CEP128: variants seen among roughly 807,000 people sequenced by gnomAD.
CEP128 encodes the protein centrosomal protein 128kDa.
A neutral mutation model predicts 156.7 loss-of-function variants in CEP128; 132 were observed. That is an observed-to-expected ratio of 0.84 (90% CI 0.73 to 0.97). The LOEUF is 0.97. CEP128 is among the 50% of genes least tolerant of loss of function. The pLI, the probability that CEP128 is intolerant of heterozygous loss-of-function variation, is 0.00. For missense variants in CEP128, 1,252 were observed against 1,281.9 expected, an observed-to-expected ratio of 0.98 and a Z score of 0.36; for synonymous variants, 469 against 448.9, an observed-to-expected ratio of 1.04 and a Z score of -0.57.
intron 2 of CEP128, among the ~76,000 whole-genome samples, chr14:80,938,577 T>C (rs1343861859): frequency 6.6e-6 from 1 of 152,146 alleles, no homozygotes; most frequent in Non-Finnish European, 1.5e-5. Context: ...GTCCGCAGTG[T>C]GTCTCCCCTC....
At chr14:80,705,680 T>C (rs1885698888) in intron 19 of CEP128, among the ~76,000 whole-genome samples, 3 of 152,062 alleles carry the variant, frequency 2.0e-5, no homozygotes, top group Non-Finnish European at 4.4e-5. Context: ...GCAATGAGAT[T>C]TTGCACTGTT....
chr14:80,914,640 T>C (rs984987373), intron 3 of CEP128, among the ~76,000 whole-genome samples: 2 of 152,030 alleles, frequency 1.3e-5, no homozygotes, highest in Admixed American at 6.6e-5. Context: ...ATAATGTAAA[T>C]CCGTATTCAA....
At chr14:80,939,647 A>G (rs1305173154) in intron 1 of CEP128, 107 bp from the exon 2 acceptor site, 1 of 152,268 alleles carries the variant, frequency 6.6e-6, no homozygotes, top group Non-Finnish European at 1.5e-5. Context: ...GGCATAACAC[A>G]GAATAGAGAA....
rs75491981 is a variant in CEP128 at position 80,740,219 on chromosome 14, C to T, written c.2806+2856G>A. 9.7e-3 allele frequency among the ~76,000 whole-genome samples: 1,473 copies of T among 152,078 alleles called. 26 individuals are homozygous for T. The highest frequency in any genetic ancestry group is 0.033 in the African/African-American group (1,379 of 41,476). ...ACAAATATTTCACACGTCTACTGTGCACCACGCTCTTTCTAGGCATTGGAG... is the reference window on the plus strand; with the variant it reads ...ACAAATATTTCACACGTCTACTGTGTACCACGCTCTTTCTAGGCATTGGAG... On this transcript the variant is annotated intron_variant, in intron 19 of 24. Transcript: ENST00000555265.
intron 11 of CEP128, among the ~76,000 whole-genome samples, chr14:80,837,138 G>C (rs1456602560): frequency 6.6e-6 from 1 of 152,224 alleles, no homozygotes; most frequent in Admixed American, 6.5e-5. Flanking sequence ...GTGCTATCTT[G>C]TATTTTCAGC....
intron 19 of CEP128, among the ~76,000 whole-genome samples, chr14:80,681,604 G>A (rs932353957): frequency 6.6e-6 from 1 of 152,172 alleles, no homozygotes; most frequent in African/African-American, 2.4e-5. Flanking sequence ...TAGTGAGTGA[G>A]TTCTCATGAG....
intron 8 of CEP128, among the ~76,000 whole-genome samples, chr14:80,873,970 T>C (rs1316594325): frequency 6.6e-6 from 1 of 152,164 alleles, no homozygotes; most frequent in Non-Finnish European, 1.5e-5. Context: ...TTCGTCATGA[T>C]TGTGAGGCCT....
intron 13 of CEP128, among the ~76,000 whole-genome samples, chr14:80,802,772 A>G (rs957087719): frequency 5.3e-5 from 8 of 152,206 alleles, no homozygotes; most frequent in Non-Finnish European, 1.0e-4. Flanking sequence ...GAATAACATG[A>G]TTAGGTATGT....
At chr14:80,865,858 G>C (rs1041696730) in intron 8 of CEP128, among the ~76,000 whole-genome samples, 16 of 152,080 alleles carry the variant, frequency 1.1e-4, no homozygotes, top group African/African-American at 3.6e-4. Context: ...ACAGGGAACT[G>C]AATCCTGACA....
intron 21 of CEP128, among the ~76,000 whole-genome samples, chr14:80,534,625 A>C (rs746172624): frequency 6.6e-6 from 1 of 152,140 alleles, no homozygotes; most frequent in Non-Finnish European, 1.5e-5. Context: ...GGAGATTGAG[A>C]CCATCCTGGT....
At chr14:80,618,260 T>C (rs1262291295) in intron 19 of CEP128, among the ~76,000 whole-genome samples, 1 of 152,232 alleles carries the variant, frequency 6.6e-6, no homozygotes, top group Non-Finnish European at 1.5e-5. Flanking sequence ...CAAGCAATTA[T>C]GATGTTACAA....
chr14:80,762,167 G>A (rs1472126474), intron 16 of CEP128, among the ~76,000 whole-genome samples: 1 of 152,036 alleles, frequency 6.6e-6, no homozygotes, highest in Non-Finnish European at 1.5e-5. Flanking sequence ...GAAAGATGAA[G>A]GTACTTTTCA....
chr14:80,677,273 G>A (rs1377936762), intron 19 of CEP128, among the ~76,000 whole-genome samples: 1 of 152,110 alleles, frequency 6.6e-6, no homozygotes, highest in Non-Finnish European at 1.5e-5. Flanking sequence ...TTGAGAGGCT[G>A]AGGTGGGCAG....
intron 16 of CEP128, among the ~76,000 whole-genome samples, chr14:80,766,269 G>T (rs1053852383): frequency 6.6e-6 from 1 of 152,122 alleles, no homozygotes; most frequent in Non-Finnish European, 1.5e-5. Flanking sequence ...GACAAGAAAG[G>T]CTCATATTGT....
intron 19 of CEP128, among the ~76,000 whole-genome samples, chr14:80,615,797 A>T (rs1287912956): frequency 6.6e-6 from 1 of 152,206 alleles, no homozygotes; most frequent in Non-Finnish European, 1.5e-5. Context: ...GCACTGAGCC[A>T]AGATGGCGCC....
At chr14:80,733,601 C>T (rs1898387703) in intron 19 of CEP128, among the ~76,000 whole-genome samples, 1 of 151,938 alleles carries the variant, frequency 6.6e-6, no homozygotes, top group Non-Finnish European at 1.5e-5. Context: ...TAAATGCTTA[C>T]AGGAAAACTT....
intron 8 of CEP128, among the ~76,000 whole-genome samples, chr14:80,883,394 G>C (rs1219467813): frequency 1.3e-5 from 2 of 151,866 alleles, no homozygotes; most frequent in African/African-American, 2.4e-5. Flanking sequence ...ACTCAGTAAA[G>C]TTGCAGGATA....
chr14:80,747,749 G>A lies in CEP128; in HGVS notation c.2614-4482C>T, dbSNP rs188160058. 3.0e-3 allele frequency among the ~76,000 whole-genome samples: 454 copies of A among 152,312 alleles called. 4 individuals carry two copies. The highest frequency in any genetic ancestry group is 5.1e-3 in the Non-Finnish European group (350 of 68,030). On this transcript the variant is annotated intron_variant, in intron 18 of 24. Coordinates refer to ENST00000555265, the MANE Select transcript of CEP128 (RefSeq NM_152446.5). ...TTGAACCCAGGAGGCAGAGGTTGCA[G>A]TGAGCCAAAATCACACCATTGCGCT...
chr14:80,671,857 T>G (rs1895855009), intron 19 of CEP128, among the ~76,000 whole-genome samples: 1 of 150,018 alleles, frequency 6.7e-6, no homozygotes, highest in South Asian at 2.1e-4. Context: ...CCTTCTTGGG[T>G]TTTTTGTGTA....
Sources: allele counts gnomAD v4.1 joint callset (sites outside exome capture counted in the v4.1 genomes callset), GRCh38; gene constraint gnomAD v4.1.1; transcripts MANE v1.5; gene names NCBI Gene and HGNC (gene_info 2026-07-23, HGNC 2026-07-21).